Variants in TRAF3 observed in about 807,000 individuals in gnomAD.
TRAF3 encodes the protein TNF receptor associated factor 3.
In TRAF3, 13 loss-of-function variants were observed where a neutral mutation model predicts 62.3. That is an observed-to-expected ratio of 0.21 (90% confidence interval 0.14 to 0.33). The LOEUF is 0.33. TRAF3 is among the 10% of genes least tolerant of loss of function. TRAF3 has a pLI of 1.00. For missense variants in TRAF3, 440 were observed against 741.8 expected, an observed-to-expected ratio of 0.59 and a Z score of 4.73; for synonymous variants, 269 against 283.4, an observed-to-expected ratio of 0.95 and a Z score of 0.51.
intron 1 of TRAF3, among the ~76,000 whole-genome samples, chr14:102,828,822 C>T (rs1595338316): frequency 6.6e-6 from 1 of 152,232 alleles, no homozygotes; most frequent in Admixed American, 6.5e-5. Flanking sequence ...TCTGCTTTTT[C>T]TTTGATTTGC....
At chr14:102,786,796 G>A (rs1897525825) in intron 1 of TRAF3, among the ~76,000 whole-genome samples, 1 of 152,142 alleles carries the variant, frequency 6.6e-6, no homozygotes, top group Non-Finnish European at 1.5e-5. Flanking sequence ...ACCAACCTGG[G>A]CAACATAGTG....
chr14:102,891,375 C>T lies in TRAF3; in HGVS notation c.777C>T (p.His259=), dbSNP rs746133902. The T allele has an allele frequency of 2.2e-5, 35 of 1,613,392 alleles. 1 individual carries two copies. Among genetic ancestry groups the T allele is most frequent in the South Asian group, 2.1e-4 (19 of 90,932 alleles). Residue 259 remains histidine, a synonymous_variant, in exon 9 of 12, where the codon CAC becomes CAT. Transcript: ENST00000392745. Reference sequence around the variant, plus strand: ...ACGAGGCCAGCTCCGCCGTGCAGCACGTCAACCTGCTGAAGGAGTGGAGCA... The same window carrying T: ...ACGAGGCCAGCTCCGCCGTGCAGCATGTCAACCTGCTGAAGGAGTGGAGCA... ...KAHEASSAVQ[H]VNLLKEWSNS...
intron 1 of TRAF3, among the ~76,000 whole-genome samples, chr14:102,794,246 C>A (rs1286762986): frequency 6.6e-6 from 1 of 152,164 alleles, no homozygotes. Context: ...ACCATCATAG[C>A]TCACTGCAGC....
chr14:102,816,851 G>A (rs1899559035), intron 1 of TRAF3, among the ~76,000 whole-genome samples: 1 of 152,206 alleles, frequency 6.6e-6, no homozygotes, highest in African/African-American at 2.4e-5. Flanking sequence ...GAGGACCTGG[G>A]AAGCATTTGC....
At chr14:102,896,845 C>G (rs1279687486) in intron 9 of TRAF3, among the ~76,000 whole-genome samples, 2 of 152,184 alleles carry the variant, frequency 1.3e-5, no homozygotes, top group Non-Finnish European at 2.9e-5. Context: ...AGTAGGATCA[C>G]TTTAGGCCAG....
intron 1 of TRAF3, chr14:102,809,195 C>G (rs1455288530): frequency 5.9e-5 from 9 of 152,256 alleles, no homozygotes; most frequent in Non-Finnish European, 1.0e-4. Context: ...ACTGTGTTAG[C>G]CAGGATGGTC....
intron 1 of TRAF3, among the ~76,000 whole-genome samples, chr14:102,782,586 A>G (rs910017576): frequency 6.6e-6 from 1 of 152,150 alleles, no homozygotes; most frequent in Non-Finnish European, 1.5e-5. Context: ...TCTGTCATCC[A>G]TGTTTAAATG....
chr14:102,897,738 ATGAGTAG>A (rs1890076078), intron 10 of TRAF3, among the ~76,000 whole-genome samples: 1 of 152,198 alleles, frequency 6.6e-6, no homozygotes, highest in African/African-American at 2.4e-5. Context: ...CATATTGTTC[ATGAGTAG>A]TTGCTGTGTG....
intron 1 of TRAF3, among the ~76,000 whole-genome samples, chr14:102,779,594 A>G (rs1235891816): frequency 6.6e-6 from 1 of 152,212 alleles, no homozygotes; most frequent in East Asian, 1.9e-4. Context: ...TTCACTGTGC[A>G]ACTCAAGAAG....
chr14:102,780,002 A>T (rs775862419), intron 1 of TRAF3, among the ~76,000 whole-genome samples: 2 of 152,222 alleles, frequency 1.3e-5, no homozygotes, highest in Non-Finnish European at 2.9e-5. Context: ...GTGTTCATGG[A>T]GGAAGAAAAA....
chr14:102,903,652 A>AT lies in TRAF3; in HGVS notation c.1135+224dup. The AT allele has an allele frequency of 1.4e-6, 1 of 703,804 alleles. No homozygotes were observed. The highest frequency in any genetic ancestry group is 3.0e-5 in the East Asian group (1 of 33,128). 43.6% of individuals were successfully genotyped at this position (703,804 alleles called of 1,614,324 possible). A position where few individuals can be genotyped will look rare whatever the true frequency, so the allele number is the denominator to read the frequency against. ...TTGTCCCCTCCGTGTGAGGCCCTAC[A>AT]TGGTGTAGAAAGTAGGGGCAGCTGC... On this transcript the variant is annotated intron_variant, in intron 11 of 11. Coordinates refer to ENST00000392745, the MANE Select transcript of TRAF3 (RefSeq NM_145725.3). The surrounding 1 kb of genome is among the most constrained non-coding windows in gnomAD (Gnocchi z 6.4).
chr14:102,780,173 C>T (rs950198439), intron 1 of TRAF3, among the ~76,000 whole-genome samples: 2 of 152,170 alleles, frequency 1.3e-5, no homozygotes, highest in African/African-American at 4.8e-5. Context: ...CTTAGACTTG[C>T]TTTCAGCAGG....
At chr14:102,801,860 CA>C (rs1898439619) in intron 1 of TRAF3, among the ~76,000 whole-genome samples, 1 of 151,044 alleles carries the variant, frequency 6.6e-6, no homozygotes, top group African/African-American at 2.4e-5. Context: ...ACTAAAAATA[CA>C]AAAAATTAGC....
At chr14:102,885,650 T>G (rs918869743) in intron 6 of TRAF3, among the ~76,000 whole-genome samples, 5 of 152,180 alleles carry the variant, frequency 3.3e-5, no homozygotes, top group Non-Finnish European at 5.9e-5. Flanking sequence ...TAATGTAGAT[T>G]AAGGTTCTAG....
chr14:102,789,539 C>A (rs1342449079), intron 1 of TRAF3, among the ~76,000 whole-genome samples: 1 of 151,944 alleles, frequency 6.6e-6, no homozygotes, highest in East Asian at 1.9e-4. Context: ...CAGAGTGGCA[C>A]CTCTCACACC....
At chr14:102,792,055 C>T (rs1897822878) in intron 1 of TRAF3, among the ~76,000 whole-genome samples, 1 of 150,330 alleles carries the variant, frequency 6.7e-6, no homozygotes. Flanking sequence ...CCTGAGCAGT[C>T]AGCCCACCTT....
intron 6 of TRAF3, among the ~76,000 whole-genome samples, chr14:102,879,841 G>T (rs1186508370): frequency 3.9e-5 from 6 of 152,184 alleles, no homozygotes; most frequent in East Asian, 1.9e-4. Context: ...TTGAGGCTGG[G>T]TGTGGTAGCT....
chr14:102,889,254 TTTTC>T (rs933668053), intron 7 of TRAF3, among the ~76,000 whole-genome samples: 3 of 152,240 alleles, frequency 2.0e-5, no homozygotes, highest in Admixed American at 2.0e-4. Flanking sequence ...AGTTTATGTT[TTTTC>T]TTTCTTTTTT....
chr14:102,898,746 T>G (rs376705767), intron 10 of TRAF3, among the ~76,000 whole-genome samples: 3 of 152,262 alleles, frequency 2.0e-5, no homozygotes, highest in Non-Finnish European at 4.4e-5. Flanking sequence ...CATCTTCAGT[T>G]TCTCCCCTTC....
Sources: gnomAD v4.1 joint callset for allele counts (sites outside exome capture counted in the v4.1 genomes callset) on GRCh38, gnomAD v4.1.1 for gene constraint, Gnocchi (gnomAD v3.1) non-coding constraint, MANE v1.5 for transcripts, NCBI Gene and HGNC (gene_info 2026-07-23, HGNC 2026-07-21) for gene names.